The following TBL1XR1 variants were observed in gnomAD, a reference collection of about 807,000 sequenced individuals.
TBL1XR1 encodes F-box-like/WD repeat-containing protein TBL1XR1.
TBL1XR1 carries 5 observed loss-of-function variants against 66.9 expected under a neutral mutation model. The observed-to-expected ratio is 0.07, with a 90% CI of 0.04 to 0.16. The LOEUF (loss-of-function observed/expected upper bound fraction) is 0.16, where lower values mean the gene tolerates loss of function less well. Ranked by LOEUF, TBL1XR1 falls within the 10% of genes least tolerant of loss-of-function variation. The probability of loss-of-function intolerance (pLI) is 1.00; values close to 1 mark genes in which losing one functional copy is unlikely to be tolerated. For synonymous variants in TBL1XR1, 210 were observed against 206.0 expected (o/e 1.02, Z -0.17); for missense variants, 238 against 623.2 (o/e 0.38, Z 6.58).
At chr3:177,153,189 CTA>C (rs1731098552) in intron 1 of TBL1XR1, among the ~76,000 whole-genome samples, 1 of 152,012 alleles carries the variant, frequency 6.6e-6, no homozygotes, top group Non-Finnish European at 1.5e-5. Flanking sequence ...ACACATAATT[CTA>C]TACTCAGTGA....
chr3:177,036,645 GC>G (rs1274613829), intron 12 of TBL1XR1, among the ~76,000 whole-genome samples: 1 of 152,186 alleles, frequency 6.6e-6, no homozygotes, highest in Non-Finnish European at 1.5e-5. Context: ...ATAAGGAAAA[GC>G]CAAAGATGAA....
At chr3:177,176,880 T>G (rs770809164) in intron 1 of TBL1XR1, among the ~76,000 whole-genome samples, 61 of 152,246 alleles carry the variant, frequency 4.0e-4, no homozygotes, top group Admixed American at 1.5e-3. Context: ...CTGACGAGGC[T>G]GAGGTGGGAG....
At chr3:177,096,715 G>C (rs559246318) in intron 2 of TBL1XR1, among the ~76,000 whole-genome samples, 2 of 152,162 alleles carry the variant, frequency 1.3e-5, no homozygotes, top group African/African-American at 4.8e-5. Flanking sequence ...GATTTACCAT[G>C]AATCTGTTTC....
chr3:177,168,394 GC>G (rs1733082843), intron 1 of TBL1XR1, among the ~76,000 whole-genome samples: 4 of 151,534 alleles, frequency 2.6e-5, no homozygotes, highest in South Asian at 4.2e-4. Context: ...CGATTCTCCT[GC>G]CTCAGCCTTC....
intron 1 of TBL1XR1, among the ~76,000 whole-genome samples, chr3:177,174,269 C>T (rs974794630): frequency 6.6e-5 from 10 of 151,744 alleles, no homozygotes; most frequent in African/African-American, 2.4e-4. Flanking sequence ...ATTAGCCGGC[C>T]GGAGTGGCAA....
upstream of TBL1XR1, among the ~76,000 whole-genome samples, chr3:177,197,563 CGCGGCGGCGGCGGCG>C (rs550182398): frequency 5.5e-5 from 8 of 144,318 alleles, no homozygotes; most frequent in Admixed American, 2.7e-4. Flanking sequence ...TCGCGAGGCC[CGCGGCGGCGGCGGCG>C]GCGGCGGCCG....
intron 2 of TBL1XR1, among the ~76,000 whole-genome samples, chr3:177,069,355 T>C (rs1719581020): frequency 6.6e-6 from 1 of 152,104 alleles, no homozygotes; most frequent in African/African-American, 2.4e-5. Context: ...CTCATCTCAT[T>C]AAGAAATATT....
At chr3:177,150,326 T>C (rs1014780850) in intron 1 of TBL1XR1, among the ~76,000 whole-genome samples, 2 of 152,174 alleles carry the variant, frequency 1.3e-5, no homozygotes, top group Non-Finnish European at 2.9e-5. Flanking sequence ...AAGTTGATAT[T>C]TGAACAGAGT....
chr3:177,164,599 C>G, intron 1 of TBL1XR1, among the ~76,000 whole-genome samples: 1 of 152,150 alleles, frequency 6.6e-6, no homozygotes, highest in East Asian at 1.9e-4. Flanking sequence ...CCACCCGCCT[C>G]GGCCTTCCAA....
chr3:177,168,477 T>TCA (rs1733094322), intron 1 of TBL1XR1, among the ~76,000 whole-genome samples: 1 of 152,130 alleles, frequency 6.6e-6, no homozygotes, highest in Non-Finnish European at 1.5e-5. Context: ...AGGCGGGGTT[T>TCA]CACCATATTA....
intron 1 of TBL1XR1, among the ~76,000 whole-genome samples, chr3:177,180,188 G>GA (rs1328689820): frequency 1.5e-5 from 2 of 136,338 alleles, no homozygotes; most frequent in African/African-American, 2.8e-5. Context: ...AGTGAGCTGA[G>GA]ATCGTGTCAC....
chr3:177,201,473 C>T (rs1737339633), upstream of TBL1XR1, among the ~76,000 whole-genome samples: 1 of 150,866 alleles, frequency 6.6e-6, no homozygotes, highest in African/African-American at 2.4e-5. Context: ...AATATTTTTC[C>T]GAGAGGAGTG....
intron 1 of TBL1XR1, among the ~76,000 whole-genome samples, chr3:177,143,759 A>T (rs1183416576): frequency 6.6e-6 from 1 of 152,256 alleles, no homozygotes; most frequent in Non-Finnish European, 1.5e-5. Context: ...AGCTAATTAT[A>T]TAAGATGGGT....
chr3:177,160,716 C>A (rs530678032), intron 1 of TBL1XR1, among the ~76,000 whole-genome samples: 1 of 152,056 alleles, frequency 6.6e-6, no homozygotes, highest in South Asian at 2.1e-4. Context: ...ACATTCTAGC[C>A]CAGGCGTGGT....
intron 1 of TBL1XR1, among the ~76,000 whole-genome samples, chr3:177,177,571 G>T (rs1039582846): frequency 6.6e-6 from 1 of 152,014 alleles, no homozygotes; most frequent in Non-Finnish European, 1.5e-5. Context: ...TATTTGACTC[G>T]ATTGCCATCT....
chr3:177,031,360 G>T (rs570924265), intron 14 of TBL1XR1, among the ~76,000 whole-genome samples: 1 of 150,272 alleles, frequency 6.7e-6, no homozygotes, highest in Non-Finnish European at 1.5e-5. Flanking sequence ...TTTGAGACAG[G>T]GTCTCACTCT....
At chr3:177,088,001 A>G (rs183709502) in intron 2 of TBL1XR1, among the ~76,000 whole-genome samples, 10 of 152,284 alleles carry the variant, frequency 6.6e-5, no homozygotes, top group Admixed American at 6.5e-5. Flanking sequence ...CTATCCCTCT[A>G]TTGTGGGTAT....
intron 1 of TBL1XR1, among the ~76,000 whole-genome samples, chr3:177,156,311 A>C (rs1731496423): frequency 6.6e-6 from 1 of 151,716 alleles, no homozygotes; most frequent in Non-Finnish European, 1.5e-5. Context: ...CAGCCTGGCC[A>C]ACATGGCAAA....
Position 177,024,254 on chromosome 3 carries a change from T to C in TBL1XR1, c.*1244A>G, listed in dbSNP as rs1712769784. ...TGAATCACTGCTATTTAAAAACACC[T>C]TGAAGCAAGTCTTTTGTTTGAGATT... On this transcript the variant is annotated 3_prime_UTR_variant, in exon 16 of 16. Coordinates refer to ENST00000457928, the MANE Select transcript of TBL1XR1 (RefSeq NM_024665.7). The C allele has an allele frequency of 6.6e-6, 1 of 152,568 alleles. No homozygotes were observed. The allele number at this position is 152,568 out of a possible 1,614,324, so 9.5% of individuals were successfully genotyped here.
Sources: allele counts gnomAD v4.1 joint callset (sites outside exome capture counted in the v4.1 genomes callset), GRCh38; gene constraint gnomAD v4.1.1; transcripts MANE v1.5; gene names NCBI Gene and HGNC (gene_info 2026-07-23, HGNC 2026-07-21).